KSR2: variants seen among roughly 807,000 people sequenced by gnomAD.
KSR2 encodes the protein kinase suppressor of ras 2.
Under a neutral mutation model 107.8 loss-of-function variants are expected in KSR2, and 25 were observed. The observed-to-expected ratio is 0.23, with a 90% confidence interval of 0.17 to 0.32. The LOEUF is 0.32. Among genes scored for constraint, KSR2 ranks in the 10% least tolerant of loss-of-function variants. The pLI, the probability that KSR2 is intolerant of heterozygous loss-of-function variation, is 1.00. For missense variants in KSR2, 887 were observed against 1,268.9 expected, an observed-to-expected ratio of 0.70 and a Z score of 4.57; for synonymous variants, 480 against 507.0, an observed-to-expected ratio of 0.95 and a Z score of 0.71.
intron 7 of KSR2, among the ~76,000 whole-genome samples, chr12:117,562,087 G>A (rs1417368876): frequency 3.9e-5 from 6 of 152,194 alleles, no homozygotes; most frequent in Non-Finnish European, 7.3e-5. Context: ...GATGGGGTAT[G>A]AGGGAGGTCC....
chr12:117,659,841 G>A (rs1164905921), intron 5 of KSR2, among the ~76,000 whole-genome samples: 1 of 152,224 alleles, frequency 6.6e-6, no homozygotes, highest in Non-Finnish European at 1.5e-5. Flanking sequence ...CAGTGTCAAA[G>A]GATGTATAAT....
At chr12:117,482,036 A>C (rs1394809879) in intron 16 of KSR2, among the ~76,000 whole-genome samples, 1 of 152,174 alleles carries the variant, frequency 6.6e-6, no homozygotes, top group East Asian at 1.9e-4. Context: ...CCTGGGATTC[A>C]TGGGACACCC....
At chr12:117,716,764 T>C (rs1886998087) in intron 4 of KSR2, among the ~76,000 whole-genome samples, 2 of 152,196 alleles carry the variant, frequency 1.3e-5, no homozygotes, top group South Asian at 2.1e-4. Flanking sequence ...ATGTGACAAA[T>C]GAATATAAGA....
intron 5 of KSR2, among the ~76,000 whole-genome samples, chr12:117,642,327 T>C (rs558186987): frequency 6.6e-6 from 1 of 152,324 alleles, no homozygotes; most frequent in African/African-American, 2.4e-5. Context: ...TCAAAAAATG[T>C]TTCTGATTGG....
At position 117,454,710 on chromosome 12, in the gene KSR2, AAC is replaced by A. The variant is rs1385270804; in HGVS notation, c.*12487_*12488del. 6.6e-6 allele frequency: 1 copy of A among 152,322 alleles called. No homozygotes were observed. Among genetic ancestry groups the A allele is most frequent in the Admixed American group, 6.5e-5 (1 of 15,308 alleles). 9.4% of individuals were successfully genotyped at this position (152,322 alleles called of 1,614,324 possible). On this transcript the variant is annotated 3_prime_UTR_variant, in exon 20 of 20. Coordinates refer to ENST00000339824, the MANE Select transcript of KSR2 (RefSeq NM_173598.6). ...CACGTTCACACATGTCCTTGACCTC[AAC>A]ACTTCAGGGGCCTATTCATAGAGTG...
chr12:117,747,709 C>T (rs1888463164), intron 4 of KSR2, among the ~76,000 whole-genome samples: 1 of 152,110 alleles, frequency 6.6e-6, no homozygotes. Flanking sequence ...AAATACTCAA[C>T]ATCATTAATC....
At chr12:117,931,082 G>T (rs1895684134) in intron 1 of KSR2, among the ~76,000 whole-genome samples, 1 of 152,122 alleles carries the variant, frequency 6.6e-6, no homozygotes, top group Non-Finnish European at 1.5e-5. Context: ...CTCCAAGAGA[G>T]TCGTGCGGAG....
chr12:117,596,654 C>T (rs192256081), intron 5 of KSR2, among the ~76,000 whole-genome samples: 10 of 152,312 alleles, frequency 6.6e-5, no homozygotes, highest in African/African-American at 2.4e-4. Flanking sequence ...ATCAGCGCAA[C>T]AGAACCCAAA....
intron 14 of KSR2, among the ~76,000 whole-genome samples, chr12:117,487,962 T>C (rs1423236738): frequency 6.6e-6 from 1 of 152,176 alleles, no homozygotes; most frequent in Non-Finnish European, 1.5e-5. Context: ...TCACCTTGAA[T>C]TGTAATAATC....
chr12:117,701,384 C>T (rs1404438447), intron 4 of KSR2, among the ~76,000 whole-genome samples: 1 of 152,202 alleles, frequency 6.6e-6, no homozygotes, highest in Non-Finnish European at 1.5e-5. Context: ...TGAGCCACTG[C>T]ACCAGGCTGG....
At position 117,468,578 on chromosome 12, in the gene KSR2, C is replaced by T. The variant is rs184930323; in HGVS notation, c.2846+1084G>A. On this transcript the variant is annotated intron_variant, in intron 19 of 19. Coordinates refer to ENST00000339824, the MANE Select transcript of KSR2 (RefSeq NM_173598.6). ...CGGGGACATCTGCTCTTCAGGACGCCGCCTTGGGGAACTTCATGGGAAGAC... is the reference window on the plus strand; with the variant it reads ...CGGGGACATCTGCTCTTCAGGACGCTGCCTTGGGGAACTTCATGGGAAGAC... 2.2e-4 allele frequency among the ~76,000 whole-genome samples: 34 copies of T among 152,282 alleles called. 1 individual carries two copies. The highest frequency in any genetic ancestry group is 1.5e-3 in the South Asian group (7 of 4,822).
At chr12:117,750,866 C>T (rs1888587922) in intron 4 of KSR2, among the ~76,000 whole-genome samples, 1 of 152,160 alleles carries the variant, frequency 6.6e-6, no homozygotes. Flanking sequence ...TATAGTATTC[C>T]ATGGCATATA....
chr12:117,605,445 T>C (rs1224545408), intron 5 of KSR2, among the ~76,000 whole-genome samples: 1 of 152,236 alleles, frequency 6.6e-6, no homozygotes, highest in Non-Finnish European at 1.5e-5. Flanking sequence ...GCTTGTTACA[T>C]AGGTAAATGT....
chr12:117,921,428 T>A (rs1239105917), intron 1 of KSR2, among the ~76,000 whole-genome samples: 1 of 151,988 alleles, frequency 6.6e-6, no homozygotes, highest in African/African-American at 2.4e-5. Context: ...AAGACACTTT[T>A]TTTTCCCCTA....
intron 3 of KSR2, among the ~76,000 whole-genome samples, chr12:117,828,061 A>G (rs1437171115): frequency 6.6e-6 from 1 of 152,186 alleles, no homozygotes; most frequent in Non-Finnish European, 1.5e-5. Context: ...ACAGACTCGA[A>G]CACCAAGGAG....
At chr12:117,855,380 C>T (rs753026381) in intron 3 of KSR2, 48 bp downstream of exon 3, 1 of 1,610,344 alleles carries the variant, frequency 6.2e-7, no homozygotes, top group Non-Finnish European at 8.5e-7. Flanking sequence ...ACCGCGGCAG[C>T]TGTGCTGGGG....
chr12:117,850,307 G>T (rs183933160), intron 3 of KSR2, among the ~76,000 whole-genome samples: 7 of 152,286 alleles, frequency 4.6e-5, no homozygotes, highest in Non-Finnish European at 8.8e-5. Flanking sequence ...CCCAGGAAAG[G>T]CCTCATAGAG....
intron 14 of KSR2, among the ~76,000 whole-genome samples, chr12:117,491,904 A>G (rs1289527333): frequency 6.6e-6 from 1 of 152,226 alleles, no homozygotes; most frequent in Non-Finnish European, 1.5e-5. Flanking sequence ...CACTATCCCC[A>G]TCGCCTACGG....
At chr12:117,498,275 T>C (rs780234805) in intron 14 of KSR2, among the ~76,000 whole-genome samples, 3 of 152,162 alleles carry the variant, frequency 2.0e-5, no homozygotes, top group Non-Finnish European at 4.4e-5. Context: ...CAGCTGAGAC[T>C]ACCCCATTCC....
Sources: gnomAD v4.1 joint callset for allele counts (sites outside exome capture counted in the v4.1 genomes callset) on GRCh38, gnomAD v4.1.1 for gene constraint, MANE v1.5 for transcripts, NCBI Gene and HGNC (gene_info 2026-07-23, HGNC 2026-07-21) for gene names.